The following PLCB1 variants were observed in gnomAD, a reference collection of about 807,000 sequenced individuals.
PLCB1 encodes the protein phospholipase C beta 1, also known as 1-phosphatidylinositol 4,5-bisphosphate phosphodiesterase beta-1.
A neutral mutation model predicts 161.8 loss-of-function variants in PLCB1; 46 were observed. The observed-to-expected ratio is 0.28, with a 90% CI of 0.22 to 0.36. The LOEUF (loss-of-function observed/expected upper bound fraction) is 0.36, where lower values mean the gene tolerates loss of function less well. Among genes scored for constraint, PLCB1 ranks in the 10% least tolerant of loss-of-function variants. The probability of loss-of-function intolerance (pLI) is 1.00; values close to 1 mark genes in which losing one functional copy is unlikely to be tolerated. For synonymous variants in PLCB1, 517 were observed against 503.7 expected (o/e 1.03, Z -0.35); for missense variants, 1,016 against 1,472.5 (o/e 0.69, Z 5.07).
intron 31 of PLCB1, among the ~76,000 whole-genome samples, chr20:8,870,277 T>C (rs1050460745): frequency 1.3e-5 from 2 of 152,192 alleles, no homozygotes; most frequent in African/African-American, 4.8e-5. Flanking sequence ...TTTCACTAAA[T>C]AAAAGAAAGG....
intron 3 of PLCB1, among the ~76,000 whole-genome samples, chr20:8,624,650 T>C (rs1204173065): frequency 6.6e-6 from 1 of 152,186 alleles, no homozygotes; most frequent in African/African-American, 2.4e-5. Flanking sequence ...CAGTCTTTAC[T>C]TTCTTCAGTG....
chr20:8,213,197 T>A (rs933263130), intron 2 of PLCB1, among the ~76,000 whole-genome samples: 2 of 152,172 alleles, frequency 1.3e-5, no homozygotes, highest in Non-Finnish European at 2.9e-5. Context: ...TTATGTTTCA[T>A]AGTTGCTTTT....
intron 9 of PLCB1, among the ~76,000 whole-genome samples, chr20:8,683,169 A>G (rs1412690128): frequency 6.6e-6 from 1 of 152,010 alleles, no homozygotes; most frequent in Non-Finnish European, 1.5e-5. Flanking sequence ...ATATATAATT[A>G]TATGTATGTG....
At chr20:8,371,102 A>G in intron 2 of PLCB1, 3 of 362,962 alleles carry the variant, frequency 8.3e-6, no homozygotes, top group South Asian at 5.1e-5. Context: ...GAACAAGAAG[A>G]CCTGATTCAT....
At chr20:8,847,112 A>G (rs1986716648) in intron 31 of PLCB1, among the ~76,000 whole-genome samples, 1 of 152,204 alleles carries the variant, frequency 6.6e-6, no homozygotes, top group African/African-American at 2.4e-5. Flanking sequence ...AAGTGATTCT[A>G]ATATGAAGCC....
intron 3 of PLCB1, among the ~76,000 whole-genome samples, chr20:8,405,713 A>G (rs1023351087): frequency 1.3e-5 from 2 of 152,214 alleles, no homozygotes; most frequent in African/African-American, 4.8e-5. Context: ...GGCTTGTACC[A>G]ATTTACAGAG....
At chr20:8,687,093 A>G (rs1223677292) in intron 10 of PLCB1, among the ~76,000 whole-genome samples, 1 of 151,818 alleles carries the variant, frequency 6.6e-6, no homozygotes, top group Non-Finnish European at 1.5e-5. Flanking sequence ...TGGCATGATG[A>G]TAGCTCACTG....
intron 31 of PLCB1, among the ~76,000 whole-genome samples, chr20:8,813,495 A>G (rs1984933167): frequency 6.6e-6 from 1 of 152,136 alleles, no homozygotes; most frequent in African/African-American, 2.4e-5. Flanking sequence ...TCATAATAAA[A>G]GGGGCAGAAA....
chr20:8,327,201 T>G lies in PLCB1; in HGVS notation c.178-44181T>G, dbSNP rs182174694. Reference sequence around the variant, plus strand: ...GTGCCTAGCCTGTTTGTTTTTCATATTAAGTTCTGAACCAGAGGGCAGTTT... The same window carrying G: ...GTGCCTAGCCTGTTTGTTTTTCATAGTAAGTTCTGAACCAGAGGGCAGTTT... On this transcript the variant is annotated intron_variant, in intron 2 of 31. Transcript: ENST00000338037. 3.7e-4 allele frequency among the ~76,000 whole-genome samples: 56 copies of G among 152,316 alleles called. No individual in the cohort carries two copies. In the East Asian group the frequency reaches 0.01, roughly 27 times the overall value.
At chr20:8,148,586 A>T (rs1198878981) in intron 1 of PLCB1, among the ~76,000 whole-genome samples, 1 of 152,230 alleles carries the variant, frequency 6.6e-6, no homozygotes, top group Non-Finnish European at 1.5e-5. Flanking sequence ...ACTCAGATAG[A>T]TATTTGTGCC....
rs1555769079 is a variant in PLCB1, at chr20:8,541,605, A to AAAGG, written c.247-86681_247-86678dup. On this transcript the variant is annotated intron_variant, in intron 3 of 31. Transcript: ENST00000338037. ...GAAAGAAAGAAAGAAAGAAAGAAAG[A>AAAGG]AAGGAAGGAAGATAGTAATGAAATG... Among the ~76,000 whole-genome samples the AAAGG allele has an allele frequency of 9.5e-4, 142 of 149,962 alleles. 2 individuals carry two copies. Among genetic ancestry groups the AAAGG allele is most frequent in the African/African-American group, 2.2e-3 (91 of 40,624 alleles).
At position 8,594,141 on chromosome 20, in the gene PLCB1, A is replaced by G. The variant is rs997226920; in HGVS notation, c.247-34153A>G. 2.6e-5 allele frequency among the ~76,000 whole-genome samples: 4 copies of G among 152,162 alleles called. No individual in the cohort carries two copies. In the South Asian group the frequency reaches 6.2e-4, roughly 24 times the overall value. ...CAAGCAATACTTCTGGCCTCAAGCAATCCTCCACCTCAACCTCCCGAAGTG... is the reference window on the plus strand; with the variant it reads ...CAAGCAATACTTCTGGCCTCAAGCAGTCCTCCACCTCAACCTCCCGAAGTG... On this transcript the variant is annotated intron_variant, in intron 3 of 31. Coordinates refer to ENST00000338037, the MANE Select transcript of PLCB1 (RefSeq NM_015192.4).
chr20:8,727,880 A>G (rs1980024515), intron 17 of PLCB1, among the ~76,000 whole-genome samples: 1 of 152,090 alleles, frequency 6.6e-6, no homozygotes. Flanking sequence ...ATAAATATAC[A>G]TTACTAAGAC....
chr20:8,445,139 G>T (rs1256725149), intron 3 of PLCB1, among the ~76,000 whole-genome samples: 2 of 152,070 alleles, frequency 1.3e-5, no homozygotes, highest in Non-Finnish European at 2.9e-5. Context: ...TGTCCTAAAT[G>T]GTATTGCCTA....
intron 3 of PLCB1, among the ~76,000 whole-genome samples, chr20:8,613,768 C>T (rs1251094640): frequency 6.6e-6 from 1 of 151,678 alleles, no homozygotes; most frequent in Non-Finnish European, 1.5e-5. Flanking sequence ...AAAATAAATT[C>T]CTGTAAATTG....
intron 2 of PLCB1, among the ~76,000 whole-genome samples, chr20:8,183,565 T>C (rs1211852862): frequency 6.6e-6 from 1 of 152,240 alleles, no homozygotes; most frequent in East Asian, 1.9e-4. Context: ...TTGATATGTT[T>C]ATGATGAATT....
At chr20:8,602,042 A>G (rs1376820551) in intron 3 of PLCB1, among the ~76,000 whole-genome samples, 3 of 152,112 alleles carry the variant, frequency 2.0e-5, no homozygotes, top group African/African-American at 4.8e-5. Context: ...TGGTCCTCCA[A>G]TGTCACTTAA....
chr20:8,187,469 AAT>A (rs1316028698), intron 2 of PLCB1, among the ~76,000 whole-genome samples: 1 of 152,076 alleles, frequency 6.6e-6, no homozygotes, highest in Non-Finnish European at 1.5e-5. Flanking sequence ...TGACAGTTCT[AAT>A]TTGGTTCATA....
chr20:8,799,093 G>T (rs749592915), intron 31 of PLCB1, among the ~76,000 whole-genome samples: 13 of 152,104 alleles, frequency 8.5e-5, no homozygotes, highest in Non-Finnish European at 1.9e-4. Flanking sequence ...ACTTAGATTC[G>T]CATGGATGCC....
Sources: allele counts gnomAD v4.1 joint callset (sites outside exome capture counted in the v4.1 genomes callset), GRCh38; gene constraint gnomAD v4.1.1; transcripts MANE v1.5; gene names NCBI Gene and HGNC (gene_info 2026-07-23, HGNC 2026-07-21).